Variants in RHAG observed in about 807,000 individuals in gnomAD.
RHAG encodes Rh associated glycoprotein, also known as ammonium transporter Rh type A.
Under a neutral mutation model 42.4 loss-of-function variants are expected in RHAG, and 25 were observed. The ratio of observed to expected loss-of-function variants is 0.59; its 90% CI spans 0.43 to 0.82. The LOEUF is 0.82. Among genes scored for constraint, RHAG ranks in the 40% least tolerant of loss-of-function variants. The probability of loss-of-function intolerance (pLI) is 0.00; values close to 1 mark genes in which losing one functional copy is unlikely to be tolerated. For synonymous variants in RHAG, 182 were observed against 177.7 expected (o/e 1.02, Z -0.19); for missense variants, 483 against 504.6 (o/e 0.96, Z 0.41).
intron 1 of RHAG, among the ~76,000 whole-genome samples, chr6:49,620,523 TTC>T (rs760180689): frequency 4.6e-5 from 7 of 151,576 alleles, no homozygotes; most frequent in Non-Finnish European, 4.4e-5. Flanking sequence ...GCACCATAGT[TTC>T]TCTCTCTCTC....
In RHAG at chr6:49,618,255, C is replaced by T. The variant is rs1417116106; in HGVS notation, c.342-37G>A. ...CAAGAATAAATTGAAGAGTAATGCA[C>T]ACCCAACATAAAACTGACCAAAGTG... On this transcript the variant is annotated intron_variant, in intron 2 of 9. Coordinates refer to ENST00000371175, the MANE Select transcript of RHAG (RefSeq NM_000324.3). 5.6e-6 allele frequency: 9 copies of T among 1,612,940 alleles called. No individual in the cohort carries two copies. The South Asian group carries it at 9.9e-5, about 18-fold the overall frequency.
chr6:49,628,631 C>T (rs1762880431), intron 1 of RHAG, among the ~76,000 whole-genome samples: 1 of 151,570 alleles, frequency 6.6e-6, no homozygotes, highest in African/African-American at 2.4e-5. Context: ...TATTACAGCT[C>T]TTAAGGTGGC....
At chr6:49,620,721 A>G (rs1169338326) in intron 1 of RHAG, among the ~76,000 whole-genome samples, 1 of 152,102 alleles carries the variant, frequency 6.6e-6, no homozygotes, top group Non-Finnish European at 1.5e-5. Context: ...TGTAGAGATG[A>G]GATTTCACCA....
At chr6:49,622,642 A>T (rs1387763122) in intron 1 of RHAG, among the ~76,000 whole-genome samples, 1 of 152,084 alleles carries the variant, frequency 6.6e-6, no homozygotes, top group Non-Finnish European at 1.5e-5. Flanking sequence ...AGCCATGTGG[A>T]ACTGTAAGTC....
intron 1 of RHAG, among the ~76,000 whole-genome samples, chr6:49,634,814 A>C (rs887804100): frequency 6.6e-6 from 1 of 152,046 alleles, no homozygotes; most frequent in African/African-American, 2.4e-5. Context: ...ATTTATTGAG[A>C]TATAATTGAC....
At chr6:49,620,771 T>C (rs1762743562) in intron 1 of RHAG, among the ~76,000 whole-genome samples, 1 of 152,160 alleles carries the variant, frequency 6.6e-6, no homozygotes, top group African/African-American at 2.4e-5. Context: ...CCTCAGGTGA[T>C]CTGCCCACCT....
intron 1 of RHAG, among the ~76,000 whole-genome samples, chr6:49,626,595 C>A (rs1167776176): frequency 1.3e-5 from 2 of 152,162 alleles, no homozygotes; most frequent in African/African-American, 4.8e-5. Context: ...TGCAAGCTGT[C>A]AGTGGATCTA....
At chr6:49,622,451 C>G (rs1221191355) in intron 1 of RHAG, among the ~76,000 whole-genome samples, 1 of 152,050 alleles carries the variant, frequency 6.6e-6, no homozygotes, top group Admixed American at 6.6e-5. Context: ...ACCTTGTGAT[C>G]CACCCTCCTT....
At chr6:49,606,019 G>T (rs571205035) in intron 9 of RHAG, among the ~76,000 whole-genome samples, 189 bp from the exon 10 acceptor site, 34 of 152,188 alleles carry the variant, frequency 2.2e-4, no homozygotes, top group Admixed American at 7.9e-4. Context: ...CTACATTCCC[G>T]CTTTTCCAAA....
chr6:49,622,216 GT>G (rs547741058), intron 1 of RHAG, among the ~76,000 whole-genome samples: 1,995 of 132,414 alleles, frequency 0.015, 20 homozygotes, highest in African/African-American at 0.027. Flanking sequence ...AGATCTGATG[GT>G]TTTTTTTTTT....
chr6:49,630,179 C>G (rs1262385429), intron 1 of RHAG, among the ~76,000 whole-genome samples: 1 of 152,246 alleles, frequency 6.6e-6, no homozygotes, highest in Non-Finnish European at 1.5e-5. Context: ...AAGAATCATT[C>G]TCTGAGTGTT....
At chr6:49,608,674 G>A (rs1421533955) in intron 7 of RHAG, among the ~76,000 whole-genome samples, 1 of 152,088 alleles carries the variant, frequency 6.6e-6, no homozygotes, top group African/African-American at 2.4e-5. Context: ...ACCGTGTCCG[G>A]TCTATATACT....
rs769898422 is a variant in RHAG, at chr6:49,619,159, C to T, written c.341+20G>A. The T allele has an allele frequency of 3.1e-6, 5 of 1,613,018 alleles. No individual in the cohort carries two copies. Among genetic ancestry groups the T allele is most frequent in the Middle Eastern group, 1.7e-4 (1 of 6,056 alleles). On this transcript the variant is annotated intron_variant, in intron 2 of 9. Coordinates refer to ENST00000371175, the MANE Select transcript of RHAG (RefSeq NM_000324.3). ...AATTCTGGAGGATGCAAACATTCAG[C>T]CCACAGTAAGGATGCTCACTTTTTG... is the stretch of plus-strand genomic sequence containing the variant.
intron 1 of RHAG, among the ~76,000 whole-genome samples, chr6:49,634,980 T>G (rs62412438): frequency 3.7e-4 from 19 of 51,158 alleles, no homozygotes; most frequent in African/African-American, 1.3e-3. Flanking sequence ...GTGTGTGTGT[T>G]TGTGTATACC....
intron 2 of RHAG, 90 bp from the exon 3 acceptor site, chr6:49,618,308 A>G (rs1762689320): frequency 7.2e-7 from 1 of 1,383,534 alleles, no homozygotes; most frequent in Non-Finnish European, 1.0e-6. Flanking sequence ...AGGCACATCC[A>G]GTGCTTCCCA....
At chr6:49,636,337 G>A (rs527687215) in intron 1 of RHAG, among the ~76,000 whole-genome samples, 2 of 152,192 alleles carry the variant, frequency 1.3e-5, no homozygotes, top group African/African-American at 2.4e-5. Context: ...CAAAGGAAGC[G>A]TGATACTTTT....
intron 1 of RHAG, among the ~76,000 whole-genome samples, chr6:49,623,935 A>G (rs961119476): frequency 6.6e-6 from 1 of 152,198 alleles, no homozygotes; most frequent in African/African-American, 2.4e-5. Flanking sequence ...GTTTTGGGCC[A>G]AGATAGCAGC....
intron 1 of RHAG, among the ~76,000 whole-genome samples, chr6:49,634,645 A>C (rs924990616): frequency 1.3e-5 from 2 of 152,074 alleles, no homozygotes; most frequent in Non-Finnish European, 2.9e-5. Flanking sequence ...TGTTTTATTC[A>C]CTATCTAGTG....
rs150896181 is a variant in RHAG at position 49,607,183 on chromosome 6, T to C, written c.1105A>G (p.Ile369Val). ...AMQAAALGSS[I>V]GTAVVGGLMT... ...AGACCTCCAACAACTGCTGTTCCGA[T>C]AGAGGAACCCAGTGCAGCTGCCTGC... Residue 369 changes from isoleucine to valine, a missense_variant, in exon 8 of 10, where the codon ATC becomes GTC. Physicochemically the swap from Ile to Val is conservative, Grantham distance 29. Transcript: ENST00000371175. 505 of 1,613,820 alleles carry C rather than the reference T, an allele frequency of 3.1e-4. No individual in the cohort carries two copies. Among genetic ancestry groups the C allele is most frequent in the Non-Finnish European group, 4.1e-4 (479 of 1,179,888 alleles).
Sources: gnomAD v4.1 joint callset for allele counts (sites outside exome capture counted in the v4.1 genomes callset) on GRCh38, gnomAD v4.1.1 for gene constraint, MANE v1.5 for transcripts, NCBI Gene and HGNC (gene_info 2026-07-23, HGNC 2026-07-21) for gene names.